Variants in SDK1 observed in about 807,000 individuals in gnomAD.
The protein encoded by SDK1 is sidekick cell adhesion molecule 1, also known as protein sidekick-1.
A neutral mutation model predicts 245.5 loss-of-function variants in SDK1; 157 were observed. The observed-to-expected ratio is 0.64, with a 90% CI of 0.56 to 0.73. The LOEUF is 0.73. Among genes scored for constraint, SDK1 ranks in the 30% least tolerant of loss-of-function variants. The pLI is 0.00. For missense variants in SDK1, 3,583 were observed against 3,002.3 expected (o/e 1.19, Z -4.52); for synonymous variants, 1,647 against 1,278.5 (o/e 1.29, Z -6.15).
chr7:3,824,999 T>G (rs1779735766), intron 5 of SDK1, among the ~76,000 whole-genome samples: 1 of 152,128 alleles, frequency 6.6e-6, no homozygotes, highest in Non-Finnish European at 1.5e-5. Context: ...TGGTGAGAGC[T>G]TGCTGCCATC....
At chr7:3,654,899 A>G (rs527602725) in intron 4 of SDK1, among the ~76,000 whole-genome samples, 146 of 152,202 alleles carry the variant, frequency 9.6e-4, no homozygotes, top group Non-Finnish European at 1.8e-3. Context: ...ATATTAGCCC[A>G]TTATACATCT....
chr7:3,958,866 G>C (rs1781459709), intron 7 of SDK1, 65 bp from the exon 8 acceptor site: 1 of 1,265,212 alleles, frequency 7.9e-7, no homozygotes, highest in African/African-American at 1.5e-5. Flanking sequence ...CACTATCTTA[G>C]GTTATATGGT....
At chr7:4,105,335 C>A (rs1368048083) in intron 22 of SDK1, among the ~76,000 whole-genome samples, 1 of 150,600 alleles carries the variant, frequency 6.6e-6, no homozygotes, top group African/African-American at 2.4e-5. Context: ...TTAGATGGAC[C>A]TTCACTCTGT....
At chr7:3,597,760 T>C (rs1040380603) in intron 1 of SDK1, among the ~76,000 whole-genome samples, 22 of 152,180 alleles carry the variant, frequency 1.4e-4, no homozygotes, top group African/African-American at 5.3e-4. Context: ...ACAGACAGTT[T>C]TGTTTTTGAC....
intron 5 of SDK1, among the ~76,000 whole-genome samples, chr7:3,867,844 C>T (rs143466517): frequency 1.1e-4 from 16 of 152,216 alleles, no homozygotes; most frequent in East Asian, 3.9e-4. Flanking sequence ...TTTATTTCTT[C>T]GCTATCATTC....
At chr7:3,848,561 A>G (rs1411111262) in intron 5 of SDK1, among the ~76,000 whole-genome samples, 1 of 152,180 alleles carries the variant, frequency 6.6e-6, no homozygotes, top group South Asian at 2.1e-4. Flanking sequence ...GATTCCCTTA[A>G]AACTGCCTGT....
At chr7:3,405,122 C>G (rs1779013482) in intron 1 of SDK1, among the ~76,000 whole-genome samples, 1 of 149,994 alleles carries the variant, frequency 6.7e-6, no homozygotes. Context: ...TAGTCCAACA[C>G]TGGTCTACTC....
At chr7:3,728,660 C>T (rs1374440373) in intron 4 of SDK1, among the ~76,000 whole-genome samples, 1 of 152,188 alleles carries the variant, frequency 6.6e-6, no homozygotes, top group African/African-American at 2.4e-5. Context: ...GACTGGATTA[C>T]AGTGGCACGA....
chr7:3,408,240 C>T (rs866802849), intron 1 of SDK1, among the ~76,000 whole-genome samples: 56 of 151,916 alleles, frequency 3.7e-4, no homozygotes, highest in African/African-American at 1.2e-3. Context: ...GATGGGGTTT[C>T]ACTATGTTGG....
At chr7:4,213,108 G>A (rs562942958) in intron 38 of SDK1, among the ~76,000 whole-genome samples, 3 of 152,164 alleles carry the variant, frequency 2.0e-5, no homozygotes, top group Non-Finnish European at 4.4e-5. Flanking sequence ...GTGAAACCCC[G>A]TTTCTACTGA....
rs1408973536 is a variant in SDK1 at position 4,130,001 on chromosome 7, A to G, written c.4033A>G (p.Lys1345Glu). ...GTCGGCCCTGCTGGCAGGCCTGCGCAAGTTCGTGCTCTACGAGCTCCAGGT... is the reference window on the plus strand; with the variant it reads ...GTCGGCCCTGCTGGCAGGCCTGCGCGAGTTCGTGCTCTACGAGCTCCAGGT... ...TQSALLAGLR[K>E]FVLYELQVLA... Residue 1345 changes from lysine to glutamate, a missense_variant, in exon 27 of 45, where the codon AAG (lysine) becomes GAG (glutamate). Coordinates refer to ENST00000404826, the MANE Select transcript of SDK1 (RefSeq NM_152744.4). The G allele has an allele frequency of 6.2e-7, 1 of 1,613,498 alleles. No homozygotes were observed. The highest frequency in any genetic ancestry group is 8.5e-7 in the Non-Finnish European group (1 of 1,179,966).
chr7:3,919,135 C>T (rs2128112094), intron 5 of SDK1, among the ~76,000 whole-genome samples: 1 of 152,320 alleles, frequency 6.6e-6, no homozygotes, highest in Middle Eastern at 3.4e-3. Flanking sequence ...TGCTTCATCT[C>T]CCTCTGCCTC....
intron 1 of SDK1, among the ~76,000 whole-genome samples, chr7:3,466,404 C>A (rs1052077882): frequency 6.7e-6 from 1 of 149,802 alleles, no homozygotes; most frequent in Admixed American, 6.7e-5. Flanking sequence ...AGAAATGCTG[C>A]ATGCTCACTT....
At chr7:3,666,980 A>T (rs1395265056) in intron 4 of SDK1, among the ~76,000 whole-genome samples, 1 of 151,754 alleles carries the variant, frequency 6.6e-6, no homozygotes, top group African/African-American at 2.4e-5. Flanking sequence ...TTTTTTAAGG[A>T]CTTGTGTTTG....
At chr7:4,201,110 C>T (rs544127353) in intron 35 of SDK1, among the ~76,000 whole-genome samples, 1 of 152,228 alleles carries the variant, frequency 6.6e-6, no homozygotes, top group Non-Finnish European at 1.5e-5. Flanking sequence ...ACACGGGGCT[C>T]TGCATTTCCT....
At chr7:3,686,321 C>T (rs959844571) in intron 4 of SDK1, among the ~76,000 whole-genome samples, 1 of 152,206 alleles carries the variant, frequency 6.6e-6, no homozygotes, top group South Asian at 2.1e-4. Flanking sequence ...GGTGATCCAC[C>T]TGCCTTGGCC....
chr7:3,949,860 G>A (rs1352904767), intron 5 of SDK1, among the ~76,000 whole-genome samples: 1 of 152,190 alleles, frequency 6.6e-6, no homozygotes, highest in African/African-American at 2.4e-5. Flanking sequence ...GATTGAAACT[G>A]CAGTAACAGA....
chr7:3,974,322 C>T (rs1562600210), intron 12 of SDK1, 47 bp from the exon 13 acceptor site: 1 of 1,524,840 alleles, frequency 6.6e-7, no homozygotes. Flanking sequence ...AGCAGTGATT[C>T]TGTCACTGTG....
At chr7:3,369,260 G>A (rs536794825) in intron 1 of SDK1, among the ~76,000 whole-genome samples, 34 of 152,138 alleles carry the variant, frequency 2.2e-4, no homozygotes, top group Middle Eastern at 3.4e-3. Flanking sequence ...TGGCGAGGCT[G>A]GTCTCAAACT....
Sources: allele counts gnomAD v4.1 joint callset (sites outside exome capture counted in the v4.1 genomes callset), GRCh38; gene constraint gnomAD v4.1.1; transcripts MANE v1.5; gene names NCBI Gene and HGNC (gene_info 2026-07-23, HGNC 2026-07-21).